The following SULF2 variants were observed in gnomAD, a reference collection of about 807,000 sequenced individuals.
SULF2 encodes extracellular sulfatase Sulf-2.
In SULF2, 52 loss-of-function variants were observed where a neutral mutation model predicts 107.7. The observed-to-expected ratio is 0.48, with a 90% CI of 0.39 to 0.61. The LOEUF is 0.61. Among genes scored for constraint, SULF2 ranks in the 20% least tolerant of loss-of-function variants. The pLI is 0.00. For missense variants in SULF2, 993 were observed against 1,177.3 expected (o/e 0.84, Z 2.29); for synonymous variants, 460 against 464.3 (o/e 0.99, Z 0.12).
intron 3 of SULF2, among the ~76,000 whole-genome samples, chr20:47,712,002 G>A (rs75387988): frequency 0.058 from 8,803 of 152,144 alleles, 579 homozygotes; most frequent in East Asian, 0.23. Flanking sequence ...ACATATACAC[G>A]ATGCAGGAAA....
At chr20:47,753,596 T>A (rs1403738995) in intron 2 of SULF2, among the ~76,000 whole-genome samples, 1 of 152,254 alleles carries the variant, frequency 6.6e-6, no homozygotes, top group Non-Finnish European at 1.5e-5. Context: ...GGGTATTGGT[T>A]TTTTCCTTTA....
chr20:47,785,541 C>T (rs1420079066), upstream of SULF2: 1 of 146,458 alleles, frequency 6.8e-6, no homozygotes, highest in African/African-American at 2.5e-5. Context: ...CCCAACGCCG[C>T]CGCCACCGCC....
intron 3 of SULF2, among the ~76,000 whole-genome samples, chr20:47,712,534 G>A (rs1026589526): frequency 1.3e-5 from 2 of 152,178 alleles, no homozygotes; most frequent in Non-Finnish European, 2.9e-5. Flanking sequence ...TGTGGGGTCC[G>A]TAAGGCAGGA....
intron 4 of SULF2, among the ~76,000 whole-genome samples, chr20:47,700,169 T>C (rs2088513522): frequency 6.6e-6 from 1 of 152,232 alleles, no homozygotes; most frequent in Admixed American, 6.5e-5. Flanking sequence ...GAAACATCAC[T>C]GTCAGCCTCT....
At chr20:47,718,139 G>A (rs537507352) in intron 3 of SULF2, among the ~76,000 whole-genome samples, 4 of 152,212 alleles carry the variant, frequency 2.6e-5, no homozygotes, top group South Asian at 4.2e-4. Flanking sequence ...TTTATCCTCC[G>A]AGGCAGGCAG....
chr20:47,695,984 T>C (rs955029108), intron 4 of SULF2, among the ~76,000 whole-genome samples: 22 of 152,236 alleles, frequency 1.4e-4, no homozygotes, highest in African/African-American at 4.8e-4. Flanking sequence ...TTCTTTTGAT[T>C]GTTTCTTCAA....
At chr20:47,708,464 C>G (rs2088820257) in intron 3 of SULF2, among the ~76,000 whole-genome samples, 1 of 152,136 alleles carries the variant, frequency 6.6e-6, no homozygotes, top group Admixed American at 6.5e-5. Context: ...TCGTACCGCT[C>G]CTGGAACATT....
intron 1 of SULF2, among the ~76,000 whole-genome samples, chr20:47,759,125 G>C (rs1018661586): frequency 3.3e-5 from 5 of 152,218 alleles, no homozygotes; most frequent in African/African-American, 1.2e-4. Context: ...TGCAGGTACA[G>C]ACTGAAGGGG....
At chr20:47,720,768 T>C (rs1406814467) in intron 3 of SULF2, among the ~76,000 whole-genome samples, 4 of 152,088 alleles carry the variant, frequency 2.6e-5, no homozygotes, top group Admixed American at 6.6e-5. Flanking sequence ...CTGACACCAG[T>C]AGAAGAGTCC....
At chr20:47,738,223 T>G (rs1267570469) in intron 2 of SULF2, among the ~76,000 whole-genome samples, 1 of 152,226 alleles carries the variant, frequency 6.6e-6, no homozygotes, top group Non-Finnish European at 1.5e-5. Context: ...ACTGCTGCCG[T>G]GTGTGACACA....
At chr20:47,752,883 T>C (rs1467121512) in intron 2 of SULF2, among the ~76,000 whole-genome samples, 2 of 152,072 alleles carry the variant, frequency 1.3e-5, no homozygotes, top group African/African-American at 4.8e-5. Context: ...GGCGGACTGC[T>C]TGAGGTCAGG....
intron 2 of SULF2, among the ~76,000 whole-genome samples, chr20:47,753,574 G>C (rs2090210900): frequency 6.6e-6 from 1 of 152,238 alleles, no homozygotes; most frequent in Admixed American, 6.5e-5. Context: ...GTGATCCTTT[G>C]CCGAAGGCAA....
chr20:47,782,979 G>C (rs1335372385), intron 1 of SULF2, among the ~76,000 whole-genome samples: 1 of 152,158 alleles, frequency 6.6e-6, no homozygotes, highest in South Asian at 2.1e-4. Context: ...AGTGGACCCC[G>C]GAGCTTGAGG....
Position 47,659,723 on chromosome 20 carries a change from T to C in SULF2, c.2502A>G (p.Lys834=). The C allele has an allele frequency of 6.2e-7, 1 of 1,613,178 alleles. No homozygotes were observed. The highest frequency in any genetic ancestry group is 8.5e-7 in the Non-Finnish European group (1 of 1,179,272). ...TGTATTGCTCATAGCTTCCTCCATC[T>C]TTAAGTCCTAAATGAAGGAGAAATG... is the stretch of plus-strand genomic sequence containing the variant. ...PRTRNMDLGL[K]DGGSYEQYRQ... The change falls in exon 19 of 21, where the codon AAA becomes AAG. Residue 834 remains lysine, a synonymous_variant. Coordinates refer to ENST00000688720, the MANE Select transcript of SULF2 (RefSeq NM_001387048.1).
chr20:47,733,287 A>G (rs1201435608), intron 3 of SULF2, among the ~76,000 whole-genome samples: 4 of 152,346 alleles, frequency 2.6e-5, no homozygotes, highest in African/African-American at 9.6e-5. Flanking sequence ...GAGGCCCTTG[A>G]AAAAATTGAT....
At chr20:47,781,591 C>G (rs1010639707) in intron 1 of SULF2, among the ~76,000 whole-genome samples, 1 of 152,158 alleles carries the variant, frequency 6.6e-6, no homozygotes, top group Non-Finnish European at 1.5e-5. Context: ...CCCCTCTGCT[C>G]CATGACATCT....
At chr20:47,710,372 T>C (rs1253524333) in intron 3 of SULF2, among the ~76,000 whole-genome samples, 3 of 151,854 alleles carry the variant, frequency 2.0e-5, no homozygotes, top group Admixed American at 6.5e-5. Context: ...TGTTCACGTA[T>C]GTTTAGATAC....
At position 47,700,945 on chromosome 20, in the gene SULF2, C is replaced by T. The variant is rs541693335; in HGVS notation, c.567+1574G>A. ...ACAGGTGTGAGCCACTGCGCCTGGC[C>T]GGGCGCAACATCTTAACACATCCTA... On this transcript the variant is annotated intron_variant, in intron 4 of 20. Coordinates refer to ENST00000688720, the MANE Select transcript of SULF2 (RefSeq NM_001387048.1). 7.2e-5 allele frequency among the ~76,000 whole-genome samples: 11 copies of T among 152,266 alleles called. No individual in the cohort carries two copies. The South Asian group carries it at 1.7e-3, about 23-fold the overall frequency.
chr20:47,695,762 G>GCCA (rs1210854067), intron 4 of SULF2, among the ~76,000 whole-genome samples: 2 of 152,154 alleles, frequency 1.3e-5, no homozygotes, highest in Non-Finnish European at 2.9e-5. Context: ...ACAGGCATGT[G>GCCA]CCACCATGTC....
Sources: gnomAD v4.1 joint callset for allele counts (sites outside exome capture counted in the v4.1 genomes callset) on GRCh38, gnomAD v4.1.1 for gene constraint, MANE v1.5 for transcripts, NCBI Gene and HGNC (gene_info 2026-07-23, HGNC 2026-07-21) for gene names.